RGS18: variants seen among roughly 807,000 people sequenced by gnomAD.
The protein encoded by RGS18 is regulator of G-protein signaling 18.
A neutral mutation model predicts 27.6 loss-of-function variants in RGS18; 22 were observed. The observed-to-expected ratio is 0.80, with a 90% CI of 0.57 to 1.14. The LOEUF is 1.14. RGS18 is among the 50% of genes most tolerant of loss of function. RGS18 has a pLI of 0.00. For synonymous variants in RGS18, 89 were observed against 84.6 expected, an observed-to-expected ratio of 1.05 and a Z score of -0.29; for missense variants, 299 against 269.6, an observed-to-expected ratio of 1.11 and a Z score of -0.76.
rs1386131097 is a variant in RGS18 at position 192,181,455 on chromosome 1, A to G, written c.447A>G (p.Lys149=). Residue 149 remains lysine, a synonymous_variant, in exon 4 of 5, where the codon AAA becomes AAG. Transcript: ENST00000367460. The part of the protein sequence containing the change: ...YEKFIQTDAP[K]EVNLDFHTKE... ...AATTTATACAGACTGATGCCCCAAA[A>G]GAGGTACAGTAAAGATAACTGTAAA... is the stretch of plus-strand genomic sequence containing the variant. The G allele has an allele frequency of 6.5e-7, 1 of 1,537,592 alleles. No individual in the cohort carries two copies. The highest frequency in any genetic ancestry group is 8.7e-7 in the Non-Finnish European group (1 of 1,150,174).
chr1:192,182,887 T>C (rs1234665234), intron 4 of RGS18, among the ~76,000 whole-genome samples: 3 of 151,532 alleles, frequency 2.0e-5, no homozygotes, highest in Non-Finnish European at 4.4e-5. Flanking sequence ...TTGTTTGCTT[T>C]AGGGATACTT....
rs1656509721 is a variant in RGS18 at position 192,184,446 on chromosome 1, C to G, written c.600C>G (p.Asp200Glu). 6.2e-7 allele frequency: 1 copy of G among 1,611,742 alleles called. No homozygotes were observed. Among genetic ancestry groups the G allele is most frequent in the Non-Finnish European group, 8.5e-7 (1 of 1,178,534 alleles). Residue 200 changes from aspartate (D) to glutamate (E), a missense_variant, in exon 5 of 5, where the codon GAC becomes GAG. Asp to Glu is a conservative substitution (Grantham distance 45). Coordinates refer to ENST00000367460, the MANE Select transcript of RGS18 (RefSeq NM_130782.3). ...TRFLKSDIYL[D>E]LMEGRPQRPT... Reference sequence around the variant, plus strand: ...TTCTGAAATCTGACATCTATTTAGACTTGATGGAAGGAAGACCTCAGAGAC... The same window carrying G: ...TTCTGAAATCTGACATCTATTTAGAGTTGATGGAAGGAAGACCTCAGAGAC...
At chr1:192,171,195 C>A (rs1262430431) in intron 3 of RGS18, among the ~76,000 whole-genome samples, 2 of 152,062 alleles carry the variant, frequency 1.3e-5, no homozygotes, top group Non-Finnish European at 2.9e-5. Context: ...TTCCCTTTTA[C>A]AGTCTGAGAA....
intron 3 of RGS18, among the ~76,000 whole-genome samples, chr1:192,178,025 T>G (rs533827320): frequency 2.0e-5 from 3 of 151,580 alleles, no homozygotes; most frequent in East Asian, 3.9e-4. Context: ...TTATAATAAT[T>G]TGTGTGAGAG....
At chr1:192,169,039 A>G (rs186208054) in intron 3 of RGS18, 2 of 152,358 alleles carry the variant, frequency 1.3e-5, no homozygotes, top group African/African-American at 2.4e-5. Flanking sequence ...GCTTAAATAC[A>G]TAACACAGTT....
In RGS18 at chr1:192,162,862, C is replaced by A. The variant is rs553183217; in HGVS notation, c.283+2423C>A. ...AGAAAAGAAAACAAAACAACAACAACAAAAAAAGAGGACTGGGATTAATTT... is the reference window on the plus strand; with the variant it reads ...AGAAAAGAAAACAAAACAACAACAAAAAAAAAAGAGGACTGGGATTAATTT... On this transcript the variant is annotated intron_variant, in intron 3 of 4. Transcript: ENST00000367460. Among the ~76,000 whole-genome samples, 23 of 151,882 alleles carry A rather than the reference C, an allele frequency of 1.5e-4. No individual in the cohort carries two copies. The East Asian group carries it at 3.9e-3, about 25-fold the overall frequency.
intron 3 of RGS18, among the ~76,000 whole-genome samples, chr1:192,179,783 T>C (rs1444639142): frequency 6.6e-6 from 1 of 151,570 alleles, no homozygotes. Context: ...ACCAGATTAG[T>C]GGTTCCCTGG....
chr1:192,165,569 A>T (rs1018683832), intron 3 of RGS18, among the ~76,000 whole-genome samples: 1 of 152,018 alleles, frequency 6.6e-6, no homozygotes, highest in African/African-American at 2.4e-5. Flanking sequence ...CAGCTTTAAA[A>T]TTTCTCTCTT....
rs1392495051 is a variant in RGS18 at position 192,159,211 on chromosome 1, T to C, written c.120-9T>C. 6.3e-7 allele frequency: 1 copy of C among 1,599,776 alleles called. No individual in the cohort carries two copies. Among genetic ancestry groups the C allele is most frequent in the Non-Finnish European group, 8.6e-7 (1 of 1,168,150 alleles). On this transcript the variant is annotated splice_polypyrimidine_tract_variant and intron_variant, in intron 1 of 4. Transcript: ENST00000367460. ...AAATTGTCCTGACATGAAGGCCTTT[T>C]TATTACAGAGCTAAGGAAAAAAGAA...
At chr1:192,178,961 G>A (rs1656402739) in intron 3 of RGS18, among the ~76,000 whole-genome samples, 1 of 151,518 alleles carries the variant, frequency 6.6e-6, no homozygotes, top group South Asian at 2.1e-4. Context: ...CAGGAAAAAT[G>A]TCAAGAGAGA....
chr1:192,178,715 G>A (rs971915867), intron 3 of RGS18, among the ~76,000 whole-genome samples: 1 of 151,590 alleles, frequency 6.6e-6, no homozygotes, highest in African/African-American at 2.4e-5. Flanking sequence ...AAGAGACTAA[G>A]TGTAGAAAAC....
At chr1:192,166,585 A>G (rs898728022) in intron 3 of RGS18, among the ~76,000 whole-genome samples, 18 of 151,582 alleles carry the variant, frequency 1.2e-4, no homozygotes, top group Admixed American at 7.9e-4. Context: ...CCCGCTTAGA[A>G]AAAAAAAATG....
chr1:192,179,651 A>T (rs772697646), intron 3 of RGS18, among the ~76,000 whole-genome samples: 1 of 151,680 alleles, frequency 6.6e-6, no homozygotes, highest in Non-Finnish European at 1.5e-5. Context: ...TGATACATTC[A>T]TCAACCTGAA....
chr1:192,159,376 T>G, intron 2 of RGS18, 55 bp downstream of exon 2: 4 of 1,218,180 alleles, frequency 3.3e-6, no homozygotes, highest in East Asian at 2.4e-5. Flanking sequence ...TCATTAAAGA[T>G]TTAAGAAAAA....
At position 192,159,266 on chromosome 1, in the gene RGS18, G is replaced by A. The variant is rs774253109; in HGVS notation, c.166G>A (p.Glu56Lys). 4 of 1,613,664 alleles carry A rather than the reference G, an allele frequency of 2.5e-6. No individual in the cohort carries two copies. Among genetic ancestry groups the A allele is most frequent in the African/African-American group, 1.3e-5 (1 of 74,924 alleles). Residue 56 changes from glutamate to lysine, a missense_variant, in exon 2 of 5, where the codon GAG (glutamate) becomes AAG (lysine). By Grantham distance (56) the Glu-to-Lys change is moderately conservative (BLOSUM62 1). Coordinates refer to ENST00000367460, the MANE Select transcript of RGS18 (RefSeq NM_130782.3). ...ACTAAGTCTTCTTGTGCAGAAACCT[G>A]AGTTTCATGAAGACACCCGCTCCAG... ...NRLSLLVQKPEFHEDTRSSRS... is the reference protein window; with the variant it reads ...NRLSLLVQKPKFHEDTRSSRS...
chr1:192,163,934 T>C (rs1056358715), intron 3 of RGS18, among the ~76,000 whole-genome samples: 1 of 151,580 alleles, frequency 6.6e-6, no homozygotes, highest in Non-Finnish European at 1.5e-5. Flanking sequence ...AGAAAGACAT[T>C]GCTCTATCAA....
rs557325393 is a variant in RGS18, at chr1:192,168,323, A to C, written c.283+7884A>C. The C allele has an allele frequency of 5.3e-5, 8 of 152,282 alleles. No individual in the cohort carries two copies. The South Asian group carries it at 1.7e-3, about 32-fold the overall frequency. 9.4% of individuals were successfully genotyped at this position (152,282 alleles called of 1,614,324 possible). Reference sequence around the variant, plus strand: ...TAAACTTCTTTCTCATTCATCCTTTATTCATTTCTTGAATTAGTATTTTTG... The same window carrying C: ...TAAACTTCTTTCTCATTCATCCTTTCTTCATTTCTTGAATTAGTATTTTTG... On this transcript the variant is annotated intron_variant, in intron 3 of 4. Coordinates refer to ENST00000367460, the MANE Select transcript of RGS18 (RefSeq NM_130782.3).
rs547490682 is a variant in RGS18, at chr1:192,159,205, G to A, written c.120-15G>A. The A allele has an allele frequency of 1.3e-6, 2 of 1,556,746 alleles. No homozygotes were observed. The highest frequency in any genetic ancestry group is 1.8e-6 in the Non-Finnish European group (2 of 1,129,446). Reference sequence around the variant, plus strand: ...TCATCTAAATTGTCCTGACATGAAGGCCTTTTTATTACAGAGCTAAGGAAA... The same window carrying A: ...TCATCTAAATTGTCCTGACATGAAGACCTTTTTATTACAGAGCTAAGGAAA... On this transcript the variant is annotated splice_polypyrimidine_tract_variant and intron_variant, in intron 1 of 4. Transcript: ENST00000367460.
At chr1:192,176,323 A>C (rs1231740605) in intron 3 of RGS18, among the ~76,000 whole-genome samples, 1 of 151,746 alleles carries the variant, frequency 6.6e-6, no homozygotes, top group Non-Finnish European at 1.5e-5. Context: ...ATAATGCCCA[A>C]ACTCTTATCT....
Sources: allele counts gnomAD v4.1 joint callset (sites outside exome capture counted in the v4.1 genomes callset), GRCh38; gene constraint gnomAD v4.1.1; transcripts MANE v1.5; gene names NCBI Gene and HGNC (gene_info 2026-07-23, HGNC 2026-07-21).